The following NBPF8 variants were observed in gnomAD, a reference collection of about 807,000 sequenced individuals.
The protein encoded by NBPF8 is NBPF member 8.
exon 25 of NBPF8, chr1:120,466,177 A>G (rs1661743528): frequency 6.2e-7 from 1 of 1,609,680 alleles, no homozygotes; most frequent in Non-Finnish European, 8.5e-7. Flanking sequence ...GACGGTGACA[A>G]GTCTCTATCT....
chr1:120,415,030 G>A (rs1296635751), upstream of NBPF8, among the ~76,000 whole-genome samples: 3 of 152,152 alleles, frequency 2.0e-5, no homozygotes, highest in African/African-American at 7.2e-5. Flanking sequence ...CTCTCCTGAC[G>A]CGCCGAGCGG....
chr1:120,415,716 C>T (rs1467188267), upstream of NBPF8, among the ~76,000 whole-genome samples: 1 of 152,188 alleles, frequency 6.6e-6, no homozygotes, highest in Admixed American at 6.5e-5. Flanking sequence ...CTGCTCCTGG[C>T]GGTTTCTCCA....
intron 16 of NBPF8, among the ~76,000 whole-genome samples, chr1:120,456,450 G>A (rs1220876174): frequency 1.5e-3 from 194 of 131,392 alleles, no homozygotes; most frequent in East Asian, 0.012. Flanking sequence ...GGGTGCTCCT[G>A]TATAGGGTGC....
intron 3 of NBPF8, among the ~76,000 whole-genome samples, chr1:120,428,116 A>T (rs1660771488): frequency 6.6e-6 from 1 of 152,060 alleles, no homozygotes; most frequent in Admixed American, 6.5e-5. Flanking sequence ...TTCCTTTTTA[A>T]GATGATACGG....
upstream of NBPF8, among the ~76,000 whole-genome samples, chr1:120,435,630 C>G (rs1661048734): frequency 6.8e-6 from 1 of 148,030 alleles, no homozygotes. Context: ...ATCACGAGGT[C>G]AGGAGATCGA....
rs1553248913 is a variant in NBPF8 at position 120,452,078 on chromosome 1, C to G, written n.2075-39C>G. On this transcript the variant is annotated intron_variant and non_coding_transcript_variant, in intron 12 of 24. Coordinates refer to ENST00000583271, the Ensembl canonical transcript of NBPF8. ...GCAATATTTGAGCGGATCACTCAAC[C>G]CTTTCCACTCTTAAATTTTCTCTAC... The G allele has an allele frequency of 5.7e-5, 81 of 1,433,324 alleles. No individual in the cohort carries two copies. The Admixed American group carries it at 1.1e-3, about 20-fold the overall frequency. The allele number at this position is 1,433,324 out of a possible 1,614,324, so 88.8% of individuals were successfully genotyped here.
chr1:120,454,394 C>T lies in NBPF8; in HGVS notation n.2568+280C>T, dbSNP rs1553249437. On this transcript the variant is annotated intron_variant and non_coding_transcript_variant, in intron 15 of 24. Coordinates refer to ENST00000583271, the Ensembl canonical transcript of NBPF8. ...TCTGTCAGGCCTCCTAGCTTCGATT[C>T]AGTATCTCTTGTCATCTGTGATTAA... Among the ~76,000 whole-genome samples the T allele has an allele frequency of 6.2e-3, 938 of 151,862 alleles. 4 individuals are homozygous for T. Among genetic ancestry groups the T allele is most frequent in the African/African-American group, 0.021 (868 of 41,412 alleles).
intron 1 of NBPF8, among the ~76,000 whole-genome samples, chr1:120,425,341 G>A (rs1660693610): frequency 6.6e-6 from 1 of 152,148 alleles, no homozygotes; most frequent in South Asian, 2.1e-4. Context: ...CTTAGGACTG[G>A]AGGTGGGACA....
chr1:120,420,564 G>A (rs1660545761), intron 1 of NBPF8, among the ~76,000 whole-genome samples: 1 of 150,896 alleles, frequency 6.6e-6, no homozygotes, highest in Non-Finnish European at 1.5e-5. Flanking sequence ...CCTGGGTGGG[G>A]AGATGTGTGT....
At position 120,424,505 on chromosome 1, in the gene NBPF8, C is replaced by T. The variant is rs1407325231; in HGVS notation, n.270-1242C>T. On this transcript the variant is annotated intron_variant and non_coding_transcript_variant, in intron 1 of 28. Coordinates refer to the NBPF8 transcript ENST00000652355. ...CTCTTTTCCTTGGGCTCAAATGCAA[C>T]GGCGCCATCTCAGCTCACTGCAACC... 1.2e-3 allele frequency among the ~76,000 whole-genome samples: 181 copies of T among 152,120 alleles called. 1 individual carries two copies. Among genetic ancestry groups the T allele is most frequent in the Non-Finnish European group, 2.0e-3 (136 of 68,012 alleles).
At chr1:120,418,581 C>T (rs1242048427), upstream of NBPF8, among the ~76,000 whole-genome samples, 3 of 150,316 alleles carry the variant, frequency 2.0e-5, no homozygotes, top group East Asian at 2.0e-4. Flanking sequence ...GACAGTGTCT[C>T]GCTCTGTTGC....
chr1:120,417,910 T>G (rs1553245461), upstream of NBPF8, among the ~76,000 whole-genome samples: 106 of 112,282 alleles, frequency 9.4e-4, no homozygotes, highest in Non-Finnish European at 1.4e-3. Context: ...TGTGATTCAC[T>G]TTTTACTACA....
At chr1:120,450,576 C>T (rs1661239398) in intron 11 of NBPF8, among the ~76,000 whole-genome samples, 1 of 152,160 alleles carries the variant, frequency 6.6e-6, no homozygotes, top group Admixed American at 6.5e-5. Flanking sequence ...TCTATTAGTT[C>T]TTCATTCTGC....
intron 1 of NBPF8, among the ~76,000 whole-genome samples, chr1:120,424,374 A>T (rs1269509710): frequency 6.6e-6 from 1 of 151,922 alleles, no homozygotes; most frequent in Non-Finnish European, 1.5e-5. Context: ...GGAATTTTTT[A>T]AAATCTGCTA....
At chr1:120,460,363 A>T (rs1661545639) in intron 17 of NBPF8, among the ~76,000 whole-genome samples, 1 of 151,828 alleles carries the variant, frequency 6.6e-6, no homozygotes, top group Non-Finnish European at 1.5e-5. Context: ...TAACATTCCA[A>T]CTCAGGGGAA....
chr1:120,422,846 G>C (rs1660612272), intron 1 of NBPF8, among the ~76,000 whole-genome samples: 1 of 107,236 alleles, frequency 9.3e-6, no homozygotes, highest in African/African-American at 5.1e-5. Flanking sequence ...TAGGTTTACA[G>C]TGATATCTCG....
downstream of NBPF8, among the ~76,000 whole-genome samples, chr1:120,467,940 G>C (rs1361926807): frequency 6.7e-6 from 1 of 148,274 alleles, no homozygotes; most frequent in African/African-American, 2.5e-5. Flanking sequence ...TGTATTCTTC[G>C]TGAGTGTGAG....
chr1:120,452,171 G>T (rs1186819102), exon 13 of NBPF8: 1 of 1,600,286 alleles, frequency 6.2e-7, no homozygotes, highest in East Asian at 2.2e-5. Flanking sequence ...AGTTAAGGGA[G>T]AAGTTGCGGG....
intron 12 of NBPF8, 76 bp from the exon 11 acceptor site, chr1:120,452,041 G>C (rs1661289873): frequency 3.5e-6 from 5 of 1,427,994 alleles, no homozygotes; most frequent in Non-Finnish European, 2.0e-6. Flanking sequence ...CATTGTCTCA[G>C]AAGTCTCTGT....
Sources: allele counts gnomAD v4.1 joint callset (sites outside exome capture counted in the v4.1 genomes callset), GRCh38; gene constraint gnomAD v4.1.1; transcripts MANE v1.5; gene names NCBI Gene and HGNC (gene_info 2026-07-23, HGNC 2026-07-21).